Variants in APBA2 observed in about 807,000 individuals in gnomAD.
APBA2 encodes amyloid beta precursor protein binding family A member 2.
A neutral mutation model predicts 75.0 loss-of-function variants in APBA2; 30 were observed. The observed-to-expected ratio is 0.40, with a 90% CI of 0.30 to 0.54. The LOEUF (loss-of-function observed/expected upper bound fraction) is 0.54. APBA2 is among the 20% of genes least tolerant of loss of function. APBA2 has a pLI of 0.49. For missense variants in APBA2, 801 were observed against 1,016.1 expected (o/e 0.79, Z 2.88); for synonymous variants, 444 against 409.6 (o/e 1.08, Z -1.01).
intron 3 of APBA2, among the ~76,000 whole-genome samples, chr15:29,033,693 G>T (rs1278237196): frequency 6.6e-6 from 1 of 152,166 alleles, no homozygotes; most frequent in African/African-American, 2.4e-5. Context: ...GGGCGCGGTG[G>T]CTCACGCCTG....
intron 1 of APBA2, among the ~76,000 whole-genome samples, chr15:28,915,359 C>A (rs2033640843): frequency 6.7e-6 from 1 of 148,814 alleles, no homozygotes; most frequent in Non-Finnish European, 1.5e-5. Context: ...GCCACACATA[C>A]CACACACACC....
chr15:29,091,697 T>C (rs2043580039), intron 6 of APBA2, among the ~76,000 whole-genome samples: 1 of 152,216 alleles, frequency 6.6e-6, no homozygotes, highest in African/African-American at 2.4e-5. Flanking sequence ...GAACTGAGGA[T>C]ACTGGGCGGA....
At chr15:28,909,058 C>T (rs1182481166) in intron 1 of APBA2, among the ~76,000 whole-genome samples, 9 of 150,464 alleles carry the variant, frequency 6.0e-5, no homozygotes, top group Admixed American at 4.6e-4. Flanking sequence ...GCAATCTCGG[C>T]TCACAGCAAG....
intron 2 of APBA2, among the ~76,000 whole-genome samples, chr15:28,994,385 T>C (rs943106092): frequency 1.3e-5 from 2 of 152,024 alleles, no homozygotes; most frequent in African/African-American, 2.4e-5. Flanking sequence ...GAGGCCTCCT[T>C]GCAAAGGGCC....
intron 6 of APBA2, among the ~76,000 whole-genome samples, chr15:29,078,954 G>T (rs2042971121): frequency 6.6e-6 from 1 of 152,218 alleles, no homozygotes; most frequent in South Asian, 2.1e-4. Context: ...TAACCTGAAA[G>T]GCAGCGTGTC....
chr15:28,941,502 CAAAAAAA>C (rs72376564), intron 2 of APBA2, among the ~76,000 whole-genome samples: 2 of 59,824 alleles, frequency 3.3e-5, no homozygotes, highest in Non-Finnish European at 6.8e-5. Context: ...ACTTGGGAGG[CAAAAAAA>C]AAAAAAAAAA....
At chr15:29,113,288 G>C (rs1254769385) in intron 13 of APBA2, among the ~76,000 whole-genome samples, 1 of 151,854 alleles carries the variant, frequency 6.6e-6, no homozygotes, top group Admixed American at 6.6e-5. Context: ...GACAGAATGA[G>C]ACCCTGTCTC....
At chr15:28,933,681 TGG>T (rs2034686670) in intron 2 of APBA2, among the ~76,000 whole-genome samples, 1 of 152,212 alleles carries the variant, frequency 6.6e-6, no homozygotes, top group African/African-American at 2.4e-5. Flanking sequence ...GAGGTTTTAT[TGG>T]TCCAAAGTCA....
chr15:28,936,914 A>G (rs2034908118), intron 2 of APBA2, among the ~76,000 whole-genome samples: 1 of 152,174 alleles, frequency 6.6e-6, no homozygotes, highest in Admixed American at 6.5e-5. Flanking sequence ...GGTGGCCTCT[A>G]CCGGGAGCCC....
Position 28,925,289 on chromosome 15 carries a change from G to A in APBA2, c.-95+3540G>A, listed in dbSNP as rs572471648. On this transcript the variant is annotated intron_variant, in intron 2 of 14. Transcript: ENST00000683413. ...GTTAGATTTGATTTGCTAATAATTTGTTGTGGATTTTTAAGTTGTTTGCTC... is the reference window on the plus strand; with the variant it reads ...GTTAGATTTGATTTGCTAATAATTTATTGTGGATTTTTAAGTTGTTTGCTC... Among the ~76,000 whole-genome samples the A allele has an allele frequency of 2.6e-5, 4 of 152,268 alleles. No individual in the cohort carries two copies. In the East Asian group the frequency reaches 7.7e-4, roughly 29 times the overall value.
intron 6 of APBA2, among the ~76,000 whole-genome samples, chr15:29,078,303 T>TA (rs914401413): frequency 1.4e-5 from 2 of 144,670 alleles, no homozygotes; most frequent in African/African-American, 5.2e-5. Flanking sequence ...AAAAAAAATA[T>TA]AAAAAAAATA....
At chr15:28,989,360 C>T (rs542599395) in intron 2 of APBA2, among the ~76,000 whole-genome samples, 12 of 152,176 alleles carry the variant, frequency 7.9e-5, no homozygotes, top group South Asian at 2.1e-4. Flanking sequence ...TGGCTCCCCA[C>T]GGTGGGCCTG....
At chr15:29,096,882 G>C (rs1000138363) in intron 8 of APBA2, among the ~76,000 whole-genome samples, 1 of 152,258 alleles carries the variant, frequency 6.6e-6, no homozygotes, top group African/African-American at 2.4e-5. Flanking sequence ...CCACCGTGCA[G>C]TGGTAATTAG....
At chr15:29,040,179 C>T (rs1465012961) in intron 3 of APBA2, among the ~76,000 whole-genome samples, 2 of 152,194 alleles carry the variant, frequency 1.3e-5, no homozygotes, top group Admixed American at 6.5e-5. Context: ...AGAGAAAATC[C>T]AACTCTCTGG....
At chr15:29,104,993 G>A (rs2044322837) in intron 10 of APBA2, among the ~76,000 whole-genome samples, 1 of 152,152 alleles carries the variant, frequency 6.6e-6, no homozygotes, top group Admixed American at 6.5e-5. Context: ...GGGCAACAGA[G>A]CCAGACCTCA....
At chr15:29,076,199 C>A in intron 6 of APBA2, 108 bp downstream of exon 6, 1 of 1,202,290 alleles carries the variant, frequency 8.3e-7, no homozygotes, top group Non-Finnish European at 1.2e-6. Flanking sequence ...ACAAAGCGTG[C>A]CTACCTACCA....
At chr15:29,024,053 GC>G (rs1313048071) in intron 3 of APBA2, among the ~76,000 whole-genome samples, 1 of 151,688 alleles carries the variant, frequency 6.6e-6, no homozygotes, top group Non-Finnish European at 1.5e-5. Context: ...ACAGGTGCAT[GC>G]CACCATGCCT....
At chr15:28,942,101 A>T (rs1326980496) in intron 2 of APBA2, among the ~76,000 whole-genome samples, 1 of 152,202 alleles carries the variant, frequency 6.6e-6, no homozygotes, top group African/African-American at 2.4e-5. Context: ...TATGTTTTCT[A>T]AAAAAGTAAA....
At chr15:29,008,666 A>G (rs894007860) in intron 3 of APBA2, among the ~76,000 whole-genome samples, 1 of 152,168 alleles carries the variant, frequency 6.6e-6, no homozygotes, top group Non-Finnish European at 1.5e-5. Flanking sequence ...CTGTGATCAT[A>G]TCACTGCATT....
Sources: gnomAD v4.1 joint callset for allele counts (sites outside exome capture counted in the v4.1 genomes callset) on GRCh38, gnomAD v4.1.1 for gene constraint, MANE v1.5 for transcripts, NCBI Gene and HGNC (gene_info 2026-07-23, HGNC 2026-07-21) for gene names.